Variants in PPP1R13L observed in about 807,000 individuals in gnomAD.
PPP1R13L encodes protein phosphatase 1 regulatory subunit 13 like, also known as relA-associated inhibitor.
In PPP1R13L, 50 loss-of-function variants were observed where a neutral mutation model predicts 80.9. The ratio of observed to expected loss-of-function variants is 0.62; its 90% CI spans 0.49 to 0.78. The LOEUF (loss-of-function observed/expected upper bound fraction) is 0.78. Among genes scored for constraint, PPP1R13L ranks in the 30% least tolerant of loss-of-function variants. The pLI is 0.00. For synonymous variants in PPP1R13L, 602 were observed against 534.3 expected (o/e 1.13, Z -1.75); for missense variants, 1,200 against 1,205.9 (o/e 1.00, Z 0.07).
In PPP1R13L at chr19:45,398,345, T is replaced by A. The variant is rs757369407; in HGVS notation, c.-21-6A>T. 26 of 1,612,382 alleles carry A rather than the reference T, an allele frequency of 1.6e-5. No homozygotes were observed. The Admixed American group carries it at 2.0e-4, about 12-fold the overall frequency. Reference sequence around the variant, plus strand: ...GTGCCGGCCGGAGCGGGCGCCTGCATGGTGGGGAGGGAGGGAGCTGGCTAA... The same window carrying A: ...GTGCCGGCCGGAGCGGGCGCCTGCAAGGTGGGGAGGGAGGGAGCTGGCTAA... On this transcript the variant is annotated splice_region_variant and splice_polypyrimidine_tract_variant and intron_variant, in intron 1 of 12. Transcript: ENST00000360957.
intron 7 of PPP1R13L, 189 bp from the exon 8 acceptor site, chr19:45,392,529 G>A (rs1178541037): frequency 1.4e-6 from 1 of 710,154 alleles, no homozygotes. Flanking sequence ...CCCATTTATT[G>A]AGCAGTTAGT....
At position 45,396,738 on chromosome 19, in the gene PPP1R13L, C is replaced by A. The variant is rs963678236; in HGVS notation, c.519G>T (p.Thr173=). Residue 173 remains threonine, a synonymous_variant, in exon 4 of 13, where the codon ACG becomes ACT. Transcript: ENST00000360957. This position sits in a 1 kb window ranked among gnomAD's most constrained non-coding sequence, Gnocchi z 5.3. ...CTGCGCGGCCCAGGAAGTCGAAAGG[C>A]GTGGGGGGACCCTGCTGGCGGAGCG... ...PGPLRQQGPP[T]PFDFLGRAGS... The A allele has an allele frequency of 1.5e-6, 2 of 1,373,054 alleles. No homozygotes were observed. The highest frequency in any genetic ancestry group is 9.3e-7 in the Non-Finnish European group (1 of 1,072,812). 85.1% of individuals were successfully genotyped at this position (1,373,054 alleles called of 1,614,324 possible). A position where few individuals can be genotyped will look rare whatever the true frequency, so the allele number is the denominator to read the frequency against.
chr19:45,401,441 T>C (rs369547710), intron 1 of PPP1R13L, among the ~76,000 whole-genome samples: 1 of 149,960 alleles, frequency 6.7e-6, no homozygotes, highest in South Asian at 2.1e-4. Context: ...CAAGCAATCC[T>C]CCCGCCTCAG....
At chr19:45,395,147 T>G in intron 7 of PPP1R13L, 5 of 397,800 alleles carry the variant, frequency 1.3e-5, no homozygotes, top group East Asian at 1.1e-4. Flanking sequence ...GCCCGGCCCA[T>G]TATTTCCCTT....
intron 8 of PPP1R13L, among the ~76,000 whole-genome samples, chr19:45,386,939 T>C (rs1437973722): frequency 9.3e-5 from 14 of 150,400 alleles, no homozygotes; most frequent in East Asian, 2.0e-4. Flanking sequence ...CCCAGCCTCA[T>C]GGGCTTTCTT....
chr19:45,382,763 C>A, intron 11 of PPP1R13L, 37 bp from the exon 12 acceptor site: 1 of 1,607,946 alleles, frequency 6.2e-7, no homozygotes, highest in Non-Finnish European at 8.5e-7. Context: ...GAGAGCCTGG[C>A]CCAGGGGGTC....
chr19:45,389,754 C>T (rs1017176144), intron 8 of PPP1R13L, among the ~76,000 whole-genome samples: 6 of 152,046 alleles, frequency 3.9e-5, no homozygotes, highest in Non-Finnish European at 5.9e-5. Context: ...AGTCCAGCAC[C>T]CAGCCGAGAC....
chr19:45,386,084 C>T lies in PPP1R13L; in HGVS notation c.1912G>A (p.Gly638Arg), dbSNP rs1438698221. ...LVLLLDAALT[G>R]ELEVVQQAVK... Reference sequence around the variant, plus strand: ...GCCTGCTGCACCACCTCCAGCTCCCCGGTCAGCGCCGCGTCCAGGAGGAGC... The same window carrying T: ...GCCTGCTGCACCACCTCCAGCTCCCTGGTCAGCGCCGCGTCCAGGAGGAGC... Residue 638 changes from glycine (G) to arginine (R), a missense_variant, in exon 9 of 13, where the codon GGG (glycine) becomes AGG (arginine). By Grantham distance (125) the Gly-to-Arg change is moderately radical. Around this residue, in one of 5 missense-constraint regions of PPP1R13L, gnomAD observed 214 missense variants for 199.6 expected, o/e 1.07. Coordinates refer to ENST00000360957, the MANE Select transcript of PPP1R13L (RefSeq NM_006663.4). The T allele has an allele frequency of 6.3e-7, 1 of 1,579,282 alleles. No homozygotes were observed. The highest frequency in any genetic ancestry group is 8.6e-7 in the Non-Finnish European group (1 of 1,167,142).
At position 45,382,654 on chromosome 19, in the gene PPP1R13L, C is replaced by G; in HGVS notation, c.2321G>C (p.Gly774Ala). ...YALWDYSAEF[G>A]DELSFREGES... ...GCCCTCGCGGAAGGACAGCTCGTCC[C>G]CGAACTCGGCGCTGTAGTCCCAGAG... The change falls in exon 12 of 13, where the codon GGG (glycine) becomes GCG (alanine). Residue 774 changes from glycine (G) to alanine (A), a missense_variant. By Grantham distance (60) the Gly-to-Ala change is moderately conservative. Transcript: ENST00000360957. 6.2e-7 allele frequency: 1 copy of G among 1,613,982 alleles called. No homozygotes were observed. The highest frequency in any genetic ancestry group is 8.5e-7 in the Non-Finnish European group (1 of 1,180,034).
rs776782574 is a variant in PPP1R13L, at chr19:45,382,578, C to G, written c.2397G>C (p.Trp799Cys). ...RRDGPEETDW[W>C]WAALHGQEGY... ...CCTCCTGGCCGTGCAGCGCGGCCCA[C>G]CACCAGTCGGTCTCCTCCGGCCCGT... The change falls in exon 12 of 13, where the codon TGG (tryptophan) becomes TGC (cysteine). Residue 799 changes from tryptophan to cysteine, a missense_variant. Physicochemically the swap from Trp to Cys is radical, Grantham distance 215. Coordinates refer to ENST00000360957, the MANE Select transcript of PPP1R13L (RefSeq NM_006663.4). 1 of 1,613,538 alleles carries G rather than the reference C, an allele frequency of 6.2e-7. No homozygotes were observed. Among genetic ancestry groups the G allele is most frequent in the East Asian group, 2.2e-5 (1 of 44,878 alleles).
chr19:45,396,586 C>A lies in PPP1R13L; in HGVS notation c.671G>T (p.Gly224Val). Residue 224 changes from glycine to valine, a missense_variant, in exon 4 of 13, where the codon GGC becomes GTC. By Grantham distance (109) the Gly-to-Val change is moderately radical (BLOSUM62 -3). Around this residue, in one of 5 missense-constraint regions of PPP1R13L, gnomAD observed 764 missense variants for 714.5 expected, o/e 1.07. Transcript: ENST00000360957. The surrounding 1 kb of genome is among the most constrained non-coding windows in gnomAD (Gnocchi z 5.3). ...CGGGGCGAATGCGCTGCCGCCGGAG[C>A]CTAGCAGGGAGCTCCCGAAGGCGGA... ...PASAFGSSLL[G>V]SGGSAFAPPL... 6.7e-7 allele frequency: 1 copy of A among 1,499,956 alleles called. No individual in the cohort carries two copies. Among genetic ancestry groups the A allele is most frequent in the South Asian group, 1.3e-5 (1 of 75,170 alleles). The allele number at this position is 1,499,956 out of a possible 1,614,324, so 92.9% of individuals were successfully genotyped here.
At position 45,395,488 on chromosome 19, in the gene PPP1R13L, G is replaced by T; in HGVS notation, c.1302C>A (p.Thr434=). Reference sequence around the variant, plus strand: ...GGGGATGCTGGGGGGCTGGGGTAGGGGTTTGGGGTTGGGTCTGGGGCTGTG... The same window carrying T: ...GGGGATGCTGGGGGGCTGGGGTAGGTGTTTGGGGTTGGGTCTGGGGCTGTG... ...LPPQPQTQPQ[T]PTPAPQHPQQ... The change falls in exon 7 of 13, where the codon ACC becomes ACA. Residue 434 remains threonine (T), a synonymous_variant. Transcript: ENST00000360957. The T allele has an allele frequency of 6.9e-7, 1 of 1,448,070 alleles. No homozygotes were observed. Among genetic ancestry groups the T allele is most frequent in the Non-Finnish European group, 9.4e-7 (1 of 1,069,422 alleles). The allele number at this position is 1,448,070 out of a possible 1,614,324, so 89.7% of individuals were successfully genotyped here.
intron 11 of PPP1R13L, among the ~76,000 whole-genome samples, chr19:45,384,179 A>G (rs1175566666): frequency 2.0e-5 from 3 of 150,606 alleles, no homozygotes; most frequent in African/African-American, 4.9e-5. Context: ...TTCCAGATTC[A>G]AGCAATCCTC....
chr19:45,382,768 G>A (rs370387986), intron 11 of PPP1R13L, 42 bp from the exon 12 acceptor site: 2 of 1,605,620 alleles, frequency 1.2e-6, no homozygotes, highest in African/African-American at 2.7e-5. Flanking sequence ...CCTGGCCCAG[G>A]GGGTCCAGGA....
chr19:45,388,828 C>T (rs1037371250), intron 8 of PPP1R13L, among the ~76,000 whole-genome samples: 3 of 151,934 alleles, frequency 2.0e-5, no homozygotes, highest in African/African-American at 7.2e-5. Context: ...GCCTCTGTCT[C>T]CTAGGTTCAA....
upstream of PPP1R13L, chr19:45,405,170 G>A (rs1205239291): frequency 3.0e-6 from 1 of 337,844 alleles, no homozygotes; most frequent in Non-Finnish European, 4.2e-6. Context: ...AGCACCTTGG[G>A]ACTTGTAGTC....
intron 8 of PPP1R13L, among the ~76,000 whole-genome samples, chr19:45,386,397 G>A (rs1418921118): frequency 1.3e-5 from 2 of 152,092 alleles, no homozygotes; most frequent in African/African-American, 4.8e-5. Flanking sequence ...AGAATCTTGG[G>A]CCCTGAAACT....
At position 45,391,481 on chromosome 19, in the gene PPP1R13L, T is replaced by G. The variant is rs36042573; in HGVS notation, c.1815+399A>C. On this transcript the variant is annotated intron_variant, in intron 8 of 12. Coordinates refer to ENST00000360957, the MANE Select transcript of PPP1R13L (RefSeq NM_006663.4). ...CCCTCCATATAGTCACACACAGCTA[T>G]CCTAAAGACTACATTTCCCAGCATC... Among the ~76,000 whole-genome samples the G allele has an allele frequency of 4.2e-3, 639 of 152,290 alleles. 1 individual carries two copies. The highest frequency in any genetic ancestry group is 0.014 in the African/African-American group (579 of 41,552).
At chr19:45,390,283 C>T (rs1318496494) in intron 8 of PPP1R13L, among the ~76,000 whole-genome samples, 1 of 152,096 alleles carries the variant, frequency 6.6e-6, no homozygotes, top group African/African-American at 2.4e-5. Context: ...CCCCACCTCC[C>T]CTTTTCCCTA....
Sources: allele counts gnomAD v4.1 joint callset (sites outside exome capture counted in the v4.1 genomes callset), GRCh38; gene constraint gnomAD v4.1.1; regional missense constraint gnomAD v4.1.1; non-coding constraint Gnocchi (gnomAD v3.1); transcripts MANE v1.5; gene names NCBI Gene and HGNC (gene_info 2026-07-23, HGNC 2026-07-21).